Variants in MXD3 observed in about 807,000 individuals in gnomAD.
MXD3 encodes the protein Max-associated protein 3.
Under a neutral mutation model 27.5 loss-of-function variants are expected in MXD3, and 20 were observed. The ratio of observed to expected loss-of-function variants is 0.73; its 90% CI spans 0.51 to 1.06. The LOEUF is 1.06. Ranked by LOEUF, MXD3 falls within the 50% of genes least tolerant of loss-of-function variation. The probability of loss-of-function intolerance (pLI) is 0.00; values close to 1 mark genes in which losing one functional copy is unlikely to be tolerated. For synonymous variants in MXD3, 150 were observed against 130.7 expected (o/e 1.15, Z -1.01); for missense variants, 298 against 291.3 (o/e 1.02, Z -0.17).
In MXD3 at chr5:177,307,873, C is replaced by G. The variant is rs763951745; in HGVS notation, c.413G>C (p.Arg138Pro). The G allele has an allele frequency of 1.9e-6, 3 of 1,608,006 alleles. No homozygotes were observed. The highest frequency in any genetic ancestry group is 1.7e-5 in the Admixed American group (1 of 59,634). Residue 138 changes from arginine to proline, a missense_variant, in exon 5 of 6, where the codon CGG (arginine) becomes CCG (proline). By Grantham distance (103) the Arg-to-Pro change is moderately radical (BLOSUM62 -2). Coordinates refer to ENST00000439742, the MANE Select transcript of MXD3 (RefSeq NM_031300.4). Reference sequence around the variant, plus strand: ...CCGCTCGGCCGCCCCTGCCAGCCCCCGGAGCTGCTCCAGCTGCCGCTGCAG... The same window carrying G: ...CCGCTCGGCCGCCCCTGCCAGCCCCGGGAGCTGCTCCAGCTGCCGCTGCAG... ...QSLQRQLEQLRGLAGAAERER... is the reference protein window; with the variant it reads ...QSLQRQLEQLPGLAGAAERER...
downstream of MXD3, chr5:177,306,676 C>A (rs4635949): frequency 6.8e-7 from 1 of 1,466,296 alleles, no homozygotes; most frequent in South Asian, 1.3e-5. Flanking sequence ...TGTCTGCTGT[C>A]TACGTGGTGG....
chr5:177,307,829 T>A lies in MXD3; in HGVS notation c.457A>T (p.Ser153Cys), dbSNP rs1365429094. The A allele has an allele frequency of 6.2e-7, 1 of 1,612,168 alleles. No individual in the cohort carries two copies. The highest frequency in any genetic ancestry group is 1.7e-5 in the Admixed American group (1 of 59,970). The change falls in exon 5 of 6, where the codon AGT (serine) becomes TGT (cysteine). Residue 153 changes from serine (S) to cysteine (C), a missense_variant. Transcript: ENST00000439742. The stretch of plus-strand genomic sequence containing the variant: ...GAGGAGAGGCCTGAGGAGTCCAGAC[T>A]GTCCGCCCGCAGCCGCTCCCGCTCG... ...AAERERLRAD[S>C]LDSSGLSSER...
downstream of MXD3, chr5:177,306,340 A>G (rs4073745): frequency 0.31 from 500,132 of 1,597,982 alleles, 87,720 homozygotes; most frequent in African/African-American, 0.71. Context: ...CCTGGCCCAG[A>G]GGAGATTGGT....
chr5:177,311,954 C>G, upstream of MXD3: 1 of 1,332,276 alleles, frequency 7.5e-7, no homozygotes, highest in South Asian at 1.5e-5. Flanking sequence ...CCCCGGGACG[C>G]CCCGCCCGCG....
At chr5:177,309,330 G>A (rs928141423) in intron 4 of MXD3, among the ~76,000 whole-genome samples, 2 of 152,204 alleles carry the variant, frequency 1.3e-5, no homozygotes, top group African/African-American at 4.8e-5. Context: ...CAGGTAACAG[G>A]AAGGCTGGGA....
Position 177,311,771 on chromosome 5 carries a change from G to C in MXD3, c.60C>G (p.Arg20=), listed in dbSNP as rs140690902. The change falls in exon 1 of 6, where the codon CGC becomes CGG. Residue 20 remains arginine (R), a synonymous_variant. Transcript: ENST00000439742. ...AGGGTCCTTCCTCACCTCTCTCACG[G>C]CGCTCCAGGAACTCGGCCGCCTGCA... is the stretch of plus-strand genomic sequence containing the variant. ...VLLQAAEFLE[R]REREAEHGYA... 58 of 1,613,112 alleles carry C rather than the reference G, an allele frequency of 3.6e-5. No individual in the cohort carries two copies. In the African/African-American group the frequency reaches 5.5e-4, roughly 15 times the overall value.
At chr5:177,311,614 C>T in intron 1 of MXD3, 130 bp from the exon 2 acceptor site, 1 of 1,129,902 alleles carries the variant, frequency 8.9e-7, no homozygotes, top group Non-Finnish European at 1.2e-6. Flanking sequence ...CCTGCTCTAC[C>T]GCCCCGGGAC....
chr5:177,310,482 CG>C lies in MXD3; in HGVS notation c.264del (p.Asp89ThrfsTer8). 1 of 1,613,096 alleles carries C rather than the reference CG, an allele frequency of 6.2e-7. No homozygotes were observed. The highest frequency in any genetic ancestry group is 8.5e-7 in the Non-Finnish European group (1 of 1,179,718). ...CTCAGCGTGGTGTACCGGGCACAGT[CG>C]GCCCCCAGGGGCATCTGCTGCTTCA... Reference protein sequence around the residue: ...ERLKQQMPLGADCARYTTLSL... With the variant: ...ERLKQQMPLGXDCARYTTLSL... On this transcript the variant is annotated frameshift_variant, in exon 4 of 6. Coordinates refer to ENST00000439742, the MANE Select transcript of MXD3 (RefSeq NM_031300.4). LOFTEE classifies it high-confidence loss of function.
chr5:177,310,449 G>A lies in MXD3; in HGVS notation c.298C>T (p.Arg100Cys), dbSNP rs556970535. The A allele has an allele frequency of 9.5e-5, 153 of 1,612,438 alleles. No individual in the cohort carries two copies. In the East Asian group the frequency reaches 2.4e-3, roughly 25 times the overall value. The change falls in exon 4 of 6, where the codon CGC becomes TGC. Residue 100 changes from arginine (R) to cysteine (C), a missense_variant. By Grantham distance (180) the Arg-to-Cys change is radical (BLOSUM62 -3). Transcript: ENST00000439742. ...CARYTTLSLL[R>C]RARMHIQKLE... ...ACCTGGATGTGCATCCTGGCACGGC[G>A]CAGCAGGCTCAGCGTGGTGTACCGG...
chr5:177,311,519 G>A, intron 1 of MXD3, 35 bp from the exon 2 acceptor site: 1 of 1,388,918 alleles, frequency 7.2e-7, no homozygotes, highest in Non-Finnish European at 9.4e-7. Context: ...GTCAGGCTGG[G>A]GCTGGACCTG....
In MXD3 at chr5:177,307,794, T is replaced by C. The variant is rs1231790689; in HGVS notation, c.492A>G (p.Ser164=). The change falls in exon 5 of 6, where the codon TCA becomes TCG. Residue 164 remains serine, a synonymous_variant. Coordinates refer to ENST00000439742, the MANE Select transcript of MXD3 (RefSeq NM_031300.4). The part of the protein sequence containing the change: ...LDSSGLSSER[S]DSDQEELEVD... ...CGGGGCACTCACCTTGGTCTGAGTC[T>C]GAGCGCTCAGAGGAGAGGCCTGAGG... 3.1e-6 allele frequency: 5 copies of C among 1,613,152 alleles called. No individual in the cohort carries two copies. Among genetic ancestry groups the C allele is most frequent in the Non-Finnish European group, 4.2e-6 (5 of 1,179,754 alleles).
chr5:177,307,911 G>A lies in MXD3; in HGVS notation c.375C>T (p.Ser125=). 6.3e-7 allele frequency: 1 copy of A among 1,597,708 alleles called. No individual in the cohort carries two copies. The highest frequency in any genetic ancestry group is 8.5e-7 in the Non-Finnish European group (1 of 1,172,770). The change falls in exon 5 of 6, where the codon AGC becomes AGT. Residue 125 remains serine, a synonymous_variant. Transcript: ENST00000439742. ...RARQLKERLR[S]KQQSLQRQLE... ...GCTGCCGCTGCAGGCTCTGCTGCTT[G>A]CTGCGCAGCCTCTCCTTGAGCTGTC...
chr5:177,308,809 G>C (rs867897247), intron 4 of MXD3, among the ~76,000 whole-genome samples: 2 of 152,180 alleles, frequency 1.3e-5, no homozygotes, highest in Admixed American at 6.5e-5. Context: ...TCCTGGTCAC[G>C]ATCCCTACAA....
intron 1 of MXD3, 97 bp downstream of exon 1, chr5:177,311,664 C>T: frequency 7.4e-7 from 1 of 1,360,332 alleles, no homozygotes; most frequent in Admixed American, 2.3e-5. Context: ...GGATTACTGT[C>T]CTAGGGCGGT....
chr5:177,307,559 G>T lies in MXD3; in HGVS notation c.*29C>A. On this transcript the variant is annotated 3_prime_UTR_variant, in exon 6 of 6. Transcript: ENST00000439742. ...GGCAAGTGGGCCTGGCACGAGTAGA[G>T]GGCAGAGGCCCGCCCTGGGTGAGGA... The T allele has an allele frequency of 6.2e-7, 1 of 1,608,146 alleles. No homozygotes were observed. Among genetic ancestry groups the T allele is most frequent in the Non-Finnish European group, 8.5e-7 (1 of 1,178,532 alleles).
downstream of MXD3, chr5:177,306,830 G>C (rs1760891418): frequency 1.3e-6 from 1 of 741,328 alleles, no homozygotes; most frequent in Non-Finnish European, 2.1e-6. Context: ...TAGCCTGCAG[G>C]TTAACTGGCG....
rs1219791774 is a variant in MXD3 at position 177,310,418 on chromosome 5, G to T, written c.321+8C>A. 5 of 1,606,562 alleles carry T rather than the reference G, an allele frequency of 3.1e-6. No individual in the cohort carries two copies. In the African/African-American group the frequency reaches 5.3e-5, roughly 17 times the overall value. On this transcript the variant is annotated splice_region_variant and intron_variant, in intron 4 of 5. Transcript: ENST00000439742. ...GCAAGCCAGTCCGGGCGCAGTGGGG[G>T]GCCTCACCTGGATGTGCATCCTGGC...
intron 4 of MXD3, among the ~76,000 whole-genome samples, chr5:177,308,629 T>C (rs1760957586): frequency 6.6e-6 from 1 of 152,146 alleles, no homozygotes; most frequent in African/African-American, 2.4e-5. Context: ...TGCCTCAGCC[T>C]CCTAAAGTGC....
rs1761037649 is a variant in MXD3, at chr5:177,311,483, C to T, written c.72G>A (p.Glu24=). ...ACAGGGACGCATAACCATGCTCGGC[C>T]TCTGCCAGAGAGAGTCCCCGCCCGC... ...AAEFLERRER[E]AEHGYASLCP... The change falls in exon 2 of 6, where the codon GAG becomes GAA. Residue 24 remains glutamate, a splice_region_variant and synonymous_variant. Coordinates refer to ENST00000439742, the MANE Select transcript of MXD3 (RefSeq NM_031300.4). 1 of 1,433,046 alleles carries T rather than the reference C, an allele frequency of 7.0e-7. No homozygotes were observed. The highest frequency in any genetic ancestry group is 9.1e-7 in the Non-Finnish European group (1 of 1,094,892). 88.8% of individuals were successfully genotyped at this position (1,433,046 alleles called of 1,614,324 possible).
Sources: gnomAD v4.1 joint callset for allele counts (sites outside exome capture counted in the v4.1 genomes callset) on GRCh38, gnomAD v4.1.1 for gene constraint, MANE v1.5 for transcripts, NCBI Gene and HGNC (gene_info 2026-07-23, HGNC 2026-07-21) for gene names.